Variants in KCNK13 observed in about 807,000 individuals in gnomAD.
KCNK13 encodes the protein potassium two pore domain channel subfamily K member 13.
Under a neutral mutation model 23.4 loss-of-function variants are expected in KCNK13, and 12 were observed. That is an observed-to-expected ratio of 0.51 (90% CI 0.33 to 0.83). The LOEUF (loss-of-function observed/expected upper bound fraction) is 0.83. Ranked by LOEUF, KCNK13 falls within the 40% of genes least tolerant of loss-of-function variation. The probability of loss-of-function intolerance (pLI) is 0.02; values close to 1 mark genes in which losing one functional copy is unlikely to be tolerated. For missense variants in KCNK13, 463 were observed against 556.3 expected (o/e 0.83, Z 1.69); for synonymous variants, 231 against 229.5 (o/e 1.01, Z -0.06).
Position 90,062,476 on chromosome 14 carries a change from G to T in KCNK13, c.271G>T (p.Val91Phe). Residue 91 changes from valine (V) to phenylalanine (F), a missense_variant, in exon 1 of 2, where the codon GTC becomes TTC. Physicochemically the swap from Val to Phe is conservative, Grantham distance 50 (BLOSUM62 -1). Around this residue, in one of 3 missense-constraint regions of KCNK13, gnomAD observed 153 missense variants for 153.6 expected, o/e 1.00. Coordinates refer to ENST00000282146, the MANE Select transcript of KCNK13 (RefSeq NM_022054.4). This position sits in a 1 kb window ranked among gnomAD's most constrained non-coding sequence, Gnocchi z 4.5. ...ATRAGIRVDNVRPRWDFTGAF... is the reference protein window; with the variant it reads ...ATRAGIRVDNFRPRWDFTGAF... ...TCGGGCCGGCATCCGCGTGGACAAC[G>T]TCCGCCCGCGCTGGGACTTCACCGG... is the stretch of plus-strand genomic sequence containing the variant. 6.5e-7 allele frequency: 1 copy of T among 1,543,304 alleles called. No individual in the cohort carries two copies. Among genetic ancestry groups the T allele is most frequent in the Non-Finnish European group, 8.7e-7 (1 of 1,144,994 alleles).
chr14:90,094,869 G>C (rs1035603699), intron 1 of KCNK13, among the ~76,000 whole-genome samples: 4 of 151,856 alleles, frequency 2.6e-5, no homozygotes, highest in African/African-American at 9.7e-5. Context: ...GGATGGTCTC[G>C]ATCTCCTGAC....
chr14:90,073,480 C>CA (rs1889100385), intron 1 of KCNK13, among the ~76,000 whole-genome samples: 1 of 152,182 alleles, frequency 6.6e-6, no homozygotes, highest in Admixed American at 6.5e-5. Flanking sequence ...GGCATGTTGG[C>CA]ACCAAGGTTC....
chr14:90,065,549 G>C (rs1186626897), intron 1 of KCNK13, among the ~76,000 whole-genome samples: 1 of 152,162 alleles, frequency 6.6e-6, no homozygotes, highest in Non-Finnish European at 1.5e-5. Context: ...GCCACAGTGG[G>C]CAACTGGTAC....
chr14:90,114,606 G>C (rs1420140234), intron 1 of KCNK13, among the ~76,000 whole-genome samples: 2 of 152,120 alleles, frequency 1.3e-5, no homozygotes, highest in Non-Finnish European at 2.9e-5. Context: ...GGTCACCTGC[G>C]TTCTAAGGTA....
intron 1 of KCNK13, among the ~76,000 whole-genome samples, chr14:90,152,074 C>T (rs1234871311): frequency 6.6e-6 from 1 of 152,188 alleles, no homozygotes. Context: ...TGAATTGTAA[C>T]ACCCATAATC....
intron 1 of KCNK13, among the ~76,000 whole-genome samples, chr14:90,089,568 A>G (rs141875545): frequency 6.6e-6 from 1 of 152,344 alleles, no homozygotes; most frequent in Non-Finnish European, 1.5e-5. Context: ...CCGAGGAGAA[A>G]TTCAAGCTGG....
chr14:90,091,790 G>T (rs997985141), intron 1 of KCNK13, among the ~76,000 whole-genome samples: 1 of 151,964 alleles, frequency 6.6e-6, no homozygotes, highest in Non-Finnish European at 1.5e-5. Context: ...TACCAGTGCT[G>T]GCAGGGGAGA....
intron 1 of KCNK13, among the ~76,000 whole-genome samples, chr14:90,160,669 C>T (rs1890242882): frequency 6.6e-6 from 1 of 151,566 alleles, no homozygotes; most frequent in Non-Finnish European, 1.5e-5. Flanking sequence ...ATGGTGAAAC[C>T]CCATCTCTAC....
chr14:90,146,753 T>C (rs1243383750), intron 1 of KCNK13, among the ~76,000 whole-genome samples: 1 of 152,236 alleles, frequency 6.6e-6, no homozygotes, highest in Non-Finnish European at 1.5e-5. Context: ...AATTTGGTGT[T>C]CAAAGGTTTA....
chr14:90,172,915 T>G (rs1890381826), intron 1 of KCNK13, among the ~76,000 whole-genome samples: 1 of 152,224 alleles, frequency 6.6e-6, no homozygotes, highest in Non-Finnish European at 1.5e-5. Flanking sequence ...CCAAGCAGAT[T>G]GTGTGAAACC....
intron 1 of KCNK13, among the ~76,000 whole-genome samples, chr14:90,150,110 G>C (rs1464652708): frequency 6.6e-6 from 1 of 152,028 alleles, no homozygotes; most frequent in African/African-American, 2.4e-5. Context: ...GAGATTTCGT[G>C]GAATTGTAAT....
At chr14:90,145,521 G>A (rs1439063162) in intron 1 of KCNK13, among the ~76,000 whole-genome samples, 5 of 152,274 alleles carry the variant, frequency 3.3e-5, no homozygotes, top group Admixed American at 6.5e-5. Flanking sequence ...TATTGTGTCT[G>A]TGTTCATGAG....
intron 1 of KCNK13, among the ~76,000 whole-genome samples, chr14:90,123,837 G>A (rs1889766491): frequency 6.6e-6 from 1 of 152,164 alleles, no homozygotes; most frequent in South Asian, 2.1e-4. Context: ...GTCTCACTGT[G>A]TTGCCCAGGC....
chr14:90,141,033 C>A (rs1889999509), intron 1 of KCNK13, among the ~76,000 whole-genome samples: 1 of 152,158 alleles, frequency 6.6e-6, no homozygotes, highest in East Asian at 1.9e-4. Flanking sequence ...CCGCCACCTG[C>A]CACCCCATCC....
chr14:90,073,394 G>T (rs1037826741), intron 1 of KCNK13, among the ~76,000 whole-genome samples: 1 of 152,102 alleles, frequency 6.6e-6, no homozygotes, highest in Non-Finnish European at 1.5e-5. Context: ...AGGGGTACCC[G>T]CCCCCAGGAC....
chr14:90,062,647 C>A lies in KCNK13; in HGVS notation c.334+108C>A. On this transcript the variant is annotated intron_variant, in intron 1 of 1. Transcript: ENST00000282146. The surrounding 1 kb of genome is among the most constrained non-coding windows in gnomAD (Gnocchi z 4.5). ...TCATTCATCCATCTGGGCGCCCAGC[C>A]AGACTCCACTGACATGAGCTGTCGC... 1 of 828,526 alleles carries A rather than the reference C, an allele frequency of 1.2e-6. No homozygotes were observed. Among genetic ancestry groups the A allele is most frequent in the Non-Finnish European group, 1.8e-6 (1 of 552,158 alleles). The allele number at this position is 828,526 out of a possible 1,614,324, so 51.3% of individuals were successfully genotyped here. A position where few individuals can be genotyped will look rare whatever the true frequency, so the allele number is the denominator to read the frequency against.
intron 1 of KCNK13, among the ~76,000 whole-genome samples, chr14:90,080,904 C>T (rs1192763643): frequency 2.0e-5 from 3 of 152,154 alleles, no homozygotes; most frequent in Non-Finnish European, 4.4e-5. Context: ...TGGGGCAGTC[C>T]TGTGCATCCT....
chr14:90,139,690 G>A (rs1476535317), intron 1 of KCNK13, among the ~76,000 whole-genome samples: 2 of 152,174 alleles, frequency 1.3e-5, no homozygotes, highest in African/African-American at 4.8e-5. Flanking sequence ...GGCTGGGTGC[G>A]GTGTCTCATA....
intron 1 of KCNK13, among the ~76,000 whole-genome samples, chr14:90,101,054 G>A (rs1162717473): frequency 6.6e-6 from 1 of 152,150 alleles, no homozygotes; most frequent in Admixed American, 6.5e-5. Context: ...GGAGGTTGCA[G>A]TATATGATGG....
Sources: allele counts gnomAD v4.1 joint callset (sites outside exome capture counted in the v4.1 genomes callset), GRCh38; gene constraint gnomAD v4.1.1; regional missense constraint gnomAD v4.1.1; non-coding constraint Gnocchi (gnomAD v3.1); transcripts MANE v1.5; gene names NCBI Gene and HGNC (gene_info 2026-07-23, HGNC 2026-07-21).